IPCEF1: variants seen among roughly 807,000 people sequenced by gnomAD.
IPCEF1 encodes the protein interaction protein for cytohesin exchange factors 1, also known as interactor protein for cytohesin exchange factors 1.
In IPCEF1, 31 loss-of-function variants were observed where a neutral mutation model predicts 50.9. The observed-to-expected ratio is 0.61, with a 90% confidence interval of 0.46 to 0.82. The LOEUF (loss-of-function observed/expected upper bound fraction) is 0.82. Among genes scored for constraint, IPCEF1 ranks in the 40% least tolerant of loss-of-function variants. The pLI is 0.00. For synonymous variants in IPCEF1, 181 were observed against 192.0 expected (o/e 0.94, Z 0.47); for missense variants, 458 against 514.0 (o/e 0.89, Z 1.05).
chr6:154,160,447 G>C (rs1160993905), intron 11 of IPCEF1, among the ~76,000 whole-genome samples: 3 of 152,020 alleles, frequency 2.0e-5, no homozygotes, highest in Admixed American at 1.3e-4. Flanking sequence ...ACTTTACCTA[G>C]GACATATGGC....
chr6:154,227,580 T>C (rs1779359831), intron 5 of IPCEF1, among the ~76,000 whole-genome samples: 1 of 152,078 alleles, frequency 6.6e-6, no homozygotes. Context: ...TAGCCGAGCA[T>C]GGCAGCACAC....
chr6:154,342,677 G>T (rs115055317), intron 1 of IPCEF1, among the ~76,000 whole-genome samples: 14 of 152,138 alleles, frequency 9.2e-5, no homozygotes, highest in African/African-American at 3.4e-4. Flanking sequence ...ACTCAGGCTG[G>T]TCTCAAACTC....
Position 154,159,866 on chromosome 6 carries a change from T to A in IPCEF1, c.1279A>T (p.Lys427Ter). The A allele has an allele frequency of 6.2e-7, 1 of 1,611,766 alleles. No homozygotes were observed. Among genetic ancestry groups the A allele is most frequent in the Non-Finnish European group, 8.5e-7 (1 of 1,179,544 alleles). Reference sequence around the variant, plus strand: ...TCAACAGAGGGAGAAGAAGGTGATTTCTTGAGTTCCTGGGGGGTGTCATCA... The same window carrying A: ...TCAACAGAGGGAGAAGAAGGTGATTACTTGAGTTCCTGGGGGGTGTCATCA... ...DTDDTPQELK[K>*]SPSSPSVENS... Residue 427 changes from lysine (K) to a stop codon, truncating the protein, a stop_gained, in exon 12 of 12, where the codon AAA becomes TAA. Coordinates refer to ENST00000367220, the MANE Select transcript of IPCEF1 (RefSeq NM_001130700.2). LOFTEE classifies it high-confidence loss of function.
Position 154,159,752 on chromosome 6 carries a change from G to A in IPCEF1, c.*76C>T, listed in dbSNP as rs1003224969. ...ACTGGGTTTCAGTTTTCCTTTTAAGGAAAAATGTAAGCTTTTGCAACATCT... is the reference window on the plus strand; with the variant it reads ...ACTGGGTTTCAGTTTTCCTTTTAAGAAAAAATGTAAGCTTTTGCAACATCT... On this transcript the variant is annotated 3_prime_UTR_variant, in exon 12 of 12. Coordinates refer to ENST00000367220, the MANE Select transcript of IPCEF1 (RefSeq NM_001130700.2). The A allele has an allele frequency of 1.4e-5, 17 of 1,208,406 alleles. No homozygotes were observed. Among genetic ancestry groups the A allele is most frequent in the Non-Finnish European group, 2.0e-5 (17 of 844,810 alleles). 74.9% of individuals were successfully genotyped at this position (1,208,406 alleles called of 1,614,324 possible). A position where few individuals can be genotyped will look rare whatever the true frequency, so the allele number is the denominator to read the frequency against.
chr6:154,353,329 T>G (rs1273898535), intron 1 of IPCEF1, among the ~76,000 whole-genome samples: 1 of 132,722 alleles, frequency 7.5e-6, no homozygotes, highest in African/African-American at 2.9e-5. Flanking sequence ...GAAGTCTCCC[T>G]CATTGCCCAG....
At chr6:154,267,852 C>T (rs907964848) in intron 2 of IPCEF1, among the ~76,000 whole-genome samples, 5 of 152,244 alleles carry the variant, frequency 3.3e-5, no homozygotes. Flanking sequence ...CTGAAGCTCT[C>T]AGCAGAGAGG....
chr6:154,249,566 A>G (rs1781286180), intron 3 of IPCEF1, among the ~76,000 whole-genome samples: 1 of 152,146 alleles, frequency 6.6e-6, no homozygotes, highest in African/African-American at 2.4e-5. Context: ...GAACAAGATG[A>G]AATTACATTA....
intron 10 of IPCEF1, among the ~76,000 whole-genome samples, chr6:154,190,464 C>T (rs1583751960): frequency 6.6e-6 from 1 of 152,286 alleles, no homozygotes; most frequent in East Asian, 1.9e-4. Context: ...TAAAATGTTA[C>T]TACCCACCTA....
intron 6 of IPCEF1, chr6:154,222,947 T>C: frequency 1.7e-6 from 1 of 572,314 alleles, no homozygotes. Context: ...ATGCCAAGAC[T>C]TCGTGGGGGT....
chr6:154,278,492 G>T (rs2128662409), intron 2 of IPCEF1, among the ~76,000 whole-genome samples: 1 of 152,248 alleles, frequency 6.6e-6, no homozygotes, highest in South Asian at 2.1e-4. Flanking sequence ...AAGTCACATG[G>T]GTCAAAGATG....
At chr6:154,265,429 C>T (rs1189385397) in intron 3 of IPCEF1, among the ~76,000 whole-genome samples, 3 of 151,386 alleles carry the variant, frequency 2.0e-5, no homozygotes, top group African/African-American at 4.8e-5. Flanking sequence ...TACAGGCGCA[C>T]ACCACCATAT....
At chr6:154,235,871 G>A (rs369015269) in intron 5 of IPCEF1, among the ~76,000 whole-genome samples, 21 of 152,270 alleles carry the variant, frequency 1.4e-4, no homozygotes, top group African/African-American at 4.6e-4. Flanking sequence ...TTAGGATGGC[G>A]ACTGTAAATA....
intron 9 of IPCEF1, among the ~76,000 whole-genome samples, chr6:154,200,500 C>A (rs1020305873): frequency 2.0e-5 from 3 of 152,174 alleles, no homozygotes; most frequent in African/African-American, 7.2e-5. Context: ...ACAGGCAGAT[C>A]ACCTGAGGCC....
intron 1 of IPCEF1, among the ~76,000 whole-genome samples, chr6:154,293,821 G>T (rs1158702131): frequency 6.6e-6 from 1 of 152,208 alleles, no homozygotes; most frequent in Non-Finnish European, 1.5e-5. Context: ...AAAGGAAGTT[G>T]CACTGATGAT....
intron 6 of IPCEF1, 146 bp from the exon 7 acceptor site, chr6:154,221,474 C>T (rs1276915136): frequency 6.0e-6 from 4 of 661,968 alleles, no homozygotes; most frequent in African/African-American, 3.6e-5. Context: ...ATATTAGATA[C>T]CTATTGTCTA....
chr6:154,304,800 C>T (rs1674347491), intron 1 of IPCEF1, among the ~76,000 whole-genome samples: 1 of 152,124 alleles, frequency 6.6e-6, no homozygotes, highest in Non-Finnish European at 1.5e-5. Context: ...CATTTCTAGA[C>T]CAAGTCAACC....
chr6:154,215,431 C>G (rs1324686134), intron 7 of IPCEF1, among the ~76,000 whole-genome samples: 1 of 152,084 alleles, frequency 6.6e-6, no homozygotes, highest in Non-Finnish European at 1.5e-5. Flanking sequence ...GGGAGAAACC[C>G]CGTCACTACT....
At chr6:154,318,957 T>C (rs1252546373) in intron 1 of IPCEF1, among the ~76,000 whole-genome samples, 1 of 152,112 alleles carries the variant, frequency 6.6e-6, no homozygotes, top group East Asian at 1.9e-4. Context: ...TGTTTGTAAT[T>C]TTTGCTTTAT....
chr6:154,215,337 G>A (rs1040343811), intron 7 of IPCEF1, among the ~76,000 whole-genome samples: 5 of 152,056 alleles, frequency 3.3e-5, no homozygotes, highest in South Asian at 2.1e-4. Flanking sequence ...TGCCGGGAGC[G>A]GTGGTTCATG....
Sources: gnomAD v4.1 joint callset for allele counts (sites outside exome capture counted in the v4.1 genomes callset) on GRCh38, gnomAD v4.1.1 for gene constraint, MANE v1.5 for transcripts, NCBI Gene and HGNC (gene_info 2026-07-23, HGNC 2026-07-21) for gene names.